Variants in INVS observed in about 807,000 individuals in gnomAD.
The protein encoded by INVS is inversin.
Under a neutral mutation model 108.8 loss-of-function variants are expected in INVS, and 86 were observed. The ratio of observed to expected loss-of-function variants is 0.79; its 90% CI spans 0.66 to 0.95. The LOEUF (loss-of-function observed/expected upper bound fraction) is 0.95. Among genes scored for constraint, INVS ranks in the 40% least tolerant of loss-of-function variants. INVS has a pLI of 0.00. For missense variants in INVS, 1,169 were observed against 1,297.4 expected (o/e 0.90, Z 1.52); for synonymous variants, 455 against 473.5 (o/e 0.96, Z 0.51).
Position 100,111,057 on chromosome 9 carries a change from T to A in INVS, c.106+6430T>A, listed in dbSNP as rs1032258534. Among the ~76,000 whole-genome samples the A allele has an allele frequency of 5.3e-5, 8 of 152,342 alleles. No individual in the cohort carries two copies. The East Asian group carries it at 1.3e-3, about 26-fold the overall frequency. On this transcript the variant is annotated intron_variant, in intron 2 of 16. Coordinates refer to ENST00000262457, the MANE Select transcript of INVS (RefSeq NM_014425.5). ...TGTTCTTTCCATTGTTCCCATGTTG[T>A]CACTCTATAACAATAAGCAGAGATT...
At chr9:100,272,599 C>T (rs1006997203) in intron 11 of INVS, among the ~76,000 whole-genome samples, 1 of 152,062 alleles carries the variant, frequency 6.6e-6, no homozygotes, top group African/African-American at 2.4e-5. Flanking sequence ...TCCAATAGGC[C>T]CCTATTTGTT....
intron 12 of INVS, among the ~76,000 whole-genome samples, chr9:100,283,548 C>T (rs895713702): frequency 2.0e-5 from 3 of 152,138 alleles, no homozygotes; most frequent in African/African-American, 4.8e-5. Context: ...GCCCCTAACT[C>T]GGCCCCTTTG....
intron 14 of INVS, among the ~76,000 whole-genome samples, chr9:100,294,739 A>C (rs1439646046): frequency 6.6e-6 from 1 of 152,184 alleles, no homozygotes; most frequent in Non-Finnish European, 1.5e-5. Flanking sequence ...AATAGGCTGG[A>C]GAAGGCTGCC....
chr9:100,277,339 A>C (rs1588141201), intron 12 of INVS, among the ~76,000 whole-genome samples: 1 of 152,148 alleles, frequency 6.6e-6, no homozygotes, highest in African/African-American at 2.4e-5. Context: ...CGTGAACATC[A>C]CCAGATTGTT....
chr9:100,117,216 C>G (rs1029286867), intron 2 of INVS: 9 of 946,992 alleles, frequency 9.5e-6, no homozygotes, highest in African/African-American at 1.6e-5. Flanking sequence ...CACTTAACAC[C>G]CAGACCGACG....
intron 3 of INVS, among the ~76,000 whole-genome samples, chr9:100,198,360 C>T (rs1422633362): frequency 2.5e-5 from 3 of 121,474 alleles, no homozygotes; most frequent in Non-Finnish European, 4.8e-5. Context: ...TGCAACGGTG[C>T]GATCTTGGCT....
chr9:100,207,575 G>A (rs1830711714), intron 3 of INVS, among the ~76,000 whole-genome samples: 1 of 152,140 alleles, frequency 6.6e-6, no homozygotes, highest in South Asian at 2.1e-4. Flanking sequence ...TTATAGGTGT[G>A]ACCCACTGTG....
At chr9:100,264,305 A>G (rs1454879491) in intron 10 of INVS, among the ~76,000 whole-genome samples, 1 of 152,110 alleles carries the variant, frequency 6.6e-6, no homozygotes, top group Non-Finnish European at 1.5e-5. Context: ...ACCTCTGGAG[A>G]TATATGATGC....
intron 1 of INVS, among the ~76,000 whole-genome samples, chr9:100,100,849 ATATG>A (rs1481782115): frequency 4.4e-5 from 1 of 22,630 alleles, no homozygotes; most frequent in Non-Finnish European, 7.1e-5. Flanking sequence ...TATATATAAT[ATATG>A]TATATATAAT....
chr9:100,207,249 C>T (rs947653944), intron 3 of INVS, among the ~76,000 whole-genome samples: 3 of 151,944 alleles, frequency 2.0e-5, no homozygotes, highest in African/African-American at 7.3e-5. Context: ...ATGATGGCTG[C>T]CACATGAAAG....
At chr9:100,263,289 AT>A (rs1289647075) in intron 10 of INVS, among the ~76,000 whole-genome samples, 1 of 152,182 alleles carries the variant, frequency 6.6e-6, no homozygotes, top group Non-Finnish European at 1.5e-5. Flanking sequence ...AACAACACAG[AT>A]TTATTATCTT....
chr9:100,204,656 CA>C (rs957015094), intron 3 of INVS, among the ~76,000 whole-genome samples: 3 of 149,926 alleles, frequency 2.0e-5, no homozygotes, highest in East Asian at 2.0e-4. Flanking sequence ...AAGGTGATCA[CA>C]AAAAAAAAGA....
At chr9:100,285,286 T>C (rs1833405605) in intron 13 of INVS, among the ~76,000 whole-genome samples, 1 of 152,248 alleles carries the variant, frequency 6.6e-6, no homozygotes, top group South Asian at 2.1e-4. Flanking sequence ...AGAAATCCAC[T>C]GTCATTCAAA....
intron 10 of INVS, among the ~76,000 whole-genome samples, chr9:100,253,996 C>T (rs1050364975): frequency 1.6e-4 from 24 of 152,182 alleles, no homozygotes; most frequent in Non-Finnish European, 2.8e-4. Flanking sequence ...GCCACACTGT[C>T]TTCCACAATG....
At chr9:100,239,605 T>G (rs9409325) in intron 5 of INVS, among the ~76,000 whole-genome samples, 46,665 of 152,076 alleles carry the variant, frequency 0.31, 8,318 homozygotes, top group Non-Finnish European at 0.41. Flanking sequence ...GATTTAGACT[T>G]TGTACCTTTT....
In INVS at chr9:100,221,245, G is replaced by A. The variant is rs141277724; in HGVS notation, c.274-4817G>A. 2.0e-5 allele frequency among the ~76,000 whole-genome samples: 3 copies of A among 151,806 alleles called. No individual in the cohort carries two copies. In the East Asian group the frequency reaches 5.8e-4, roughly 29 times the overall value. On this transcript the variant is annotated intron_variant, in intron 3 of 16. Transcript: ENST00000262457. The stretch of plus-strand genomic sequence containing the variant: ...TACTAGAAATATTCTCCTGATTTTA[G>A]CACTTAAAGTTCTCTGTCCCTTCTG...
In INVS at chr9:100,296,901, C is replaced by A; in HGVS notation, c.2787-16C>A. 1.2e-6 allele frequency: 2 copies of A among 1,608,282 alleles called. No individual in the cohort carries two copies. The highest frequency in any genetic ancestry group is 1.1e-5 in the South Asian group (1 of 90,792). ...ACTGTGATCTTAAAGCCTCTCCTCT[C>A]CTCTGACCCAACCAGCTACCAGCTC... On this transcript the variant is annotated splice_polypyrimidine_tract_variant and intron_variant, in intron 14 of 16. Coordinates refer to ENST00000262457, the MANE Select transcript of INVS (RefSeq NM_014425.5).
intron 3 of INVS, among the ~76,000 whole-genome samples, chr9:100,194,849 G>C (rs1467788737): frequency 6.6e-6 from 1 of 152,178 alleles, no homozygotes; most frequent in African/African-American, 2.4e-5. Context: ...GAGTGTGGCT[G>C]TGCCCCTGGT....
chr9:100,269,666 T>C (rs1832892403), intron 11 of INVS, among the ~76,000 whole-genome samples: 1 of 152,232 alleles, frequency 6.6e-6, no homozygotes. Flanking sequence ...ATTTTCTATG[T>C]CTAGTCATGC....
Sources: allele counts gnomAD v4.1 joint callset (sites outside exome capture counted in the v4.1 genomes callset), GRCh38; gene constraint gnomAD v4.1.1; transcripts MANE v1.5; gene names NCBI Gene and HGNC (gene_info 2026-07-23, HGNC 2026-07-21).